Variants in KCNN2 observed in about 807,000 individuals in gnomAD.
KCNN2 encodes the protein potassium calcium-activated channel subfamily N member 2, also known as small conductance calcium-activated potassium channel protein 2.
KCNN2 carries 24 observed loss-of-function variants against 55.5 expected under a neutral mutation model. The observed-to-expected ratio is 0.43, with a 90% CI of 0.31 to 0.61. The LOEUF (loss-of-function observed/expected upper bound fraction) is 0.61, where lower values mean the gene tolerates loss of function less well. Among genes scored for constraint, KCNN2 ranks in the 20% least tolerant of loss-of-function variants. The pLI is 0.08. For missense variants in KCNN2, 754 were observed against 853.6 expected (o/e 0.88, Z 1.45); for synonymous variants, 431 against 336.1 (o/e 1.28, Z -3.09).
intron 2 of KCNN2, among the ~76,000 whole-genome samples, chr5:114,365,356 TAATTC>T (rs1185916891): frequency 3.3e-5 from 5 of 152,272 alleles, no homozygotes; most frequent in African/African-American, 1.2e-4. Flanking sequence ...GATTCATCTT[TAATTC>T]AATACTAGTG....
chr5:114,438,610 CAACA>C (rs1580835624), intron 3 of KCNN2, among the ~76,000 whole-genome samples: 1 of 152,212 alleles, frequency 6.6e-6, no homozygotes, highest in East Asian at 1.9e-4. Flanking sequence ...ACAACAACAA[CAACA>C]AACAGTCTCT....
intron 1 of KCNN2, among the ~76,000 whole-genome samples, chr5:114,081,191 G>C (rs1750810147): frequency 6.6e-6 from 1 of 152,058 alleles, no homozygotes; most frequent in African/African-American, 2.4e-5. Flanking sequence ...TGGATTAGAA[G>C]ATAATATTAA....
intron 2 of KCNN2, among the ~76,000 whole-genome samples, chr5:114,394,202 A>G (rs74955923): frequency 0.012 from 1,776 of 152,304 alleles, 41 homozygotes; most frequent in African/African-American, 0.04. Context: ...TCAATCTGAC[A>G]GGTCAAAAAG....
At chr5:114,081,347 AG>A (rs1323531671) in intron 1 of KCNN2, among the ~76,000 whole-genome samples, 3 of 152,176 alleles carry the variant, frequency 2.0e-5, no homozygotes, top group South Asian at 4.1e-4. Flanking sequence ...AAAATTGAAA[AG>A]GAAAAAAATG....
At chr5:114,173,652 C>A (rs578173866) in intron 1 of KCNN2, among the ~76,000 whole-genome samples, 1 of 151,332 alleles carries the variant, frequency 6.6e-6, no homozygotes, top group Admixed American at 6.6e-5. Context: ...TTTTTGGTGT[C>A]CTCTTTAATT....
intron 3 of KCNN2, among the ~76,000 whole-genome samples, chr5:114,449,906 A>G (rs147143540): frequency 0.11 from 3,126 of 29,242 alleles, 52 homozygotes; most frequent in Admixed American, 0.13. Context: ...ACACACACAC[A>G]CACGCGCGCG....
At chr5:114,256,067 T>C (rs973166608) in intron 2 of KCNN2, among the ~76,000 whole-genome samples, 2 of 152,144 alleles carry the variant, frequency 1.3e-5, no homozygotes, top group African/African-American at 4.8e-5. Flanking sequence ...GTACACATTA[T>C]TTAGCTCCCA....
At chr5:114,248,833 A>G (rs927391376) in intron 2 of KCNN2, among the ~76,000 whole-genome samples, 1 of 152,178 alleles carries the variant, frequency 6.6e-6, no homozygotes, top group Non-Finnish European at 1.5e-5. Context: ...ATTAATCCAT[A>G]AGTTATAGAG....
intron 2 of KCNN2, among the ~76,000 whole-genome samples, chr5:114,389,198 T>C (rs1256707071): frequency 6.6e-6 from 1 of 152,056 alleles, no homozygotes; most frequent in South Asian, 2.1e-4. Flanking sequence ...TAAGCACCTG[T>C]TTTTTCCCCA....
intron 5 of KCNN2, among the ~76,000 whole-genome samples, chr5:114,475,617 G>A (rs916334423): frequency 2.0e-5 from 3 of 152,076 alleles, no homozygotes; most frequent in Non-Finnish European, 4.4e-5. Flanking sequence ...AATCACATTC[G>A]AGTATTCCAA....
intron 2 of KCNN2, among the ~76,000 whole-genome samples, chr5:114,241,805 C>T (rs7717205): frequency 0.6 from 10,637 of 17,758 alleles, 3,567 homozygotes; most frequent in Middle Eastern, 0.75. Flanking sequence ...TATATATATA[C>T]GTATATATAT....
intron 1 of KCNN2, among the ~76,000 whole-genome samples, chr5:114,116,411 A>G (rs1416361772): frequency 6.6e-6 from 1 of 152,180 alleles, no homozygotes; most frequent in Non-Finnish European, 1.5e-5. Context: ...AATGTAAGTG[A>G]TAAGTACACT....
intron 1 of KCNN2, among the ~76,000 whole-genome samples, chr5:114,148,594 G>A (rs374606577): frequency 1.1e-4 from 16 of 152,148 alleles, no homozygotes; most frequent in East Asian, 7.8e-4. Context: ...CTGGAGTGTC[G>A]AAAGAAACAG....
intron 2 of KCNN2, among the ~76,000 whole-genome samples, chr5:114,308,068 C>G (rs1265398151): frequency 1.3e-5 from 2 of 152,048 alleles, no homozygotes; most frequent in Non-Finnish European, 2.9e-5. Context: ...TATTTACTCC[C>G]GAGAAGAAAC....
At chr5:114,464,596 G>A (rs1406834252) in intron 4 of KCNN2, among the ~76,000 whole-genome samples, 1 of 152,110 alleles carries the variant, frequency 6.6e-6, no homozygotes, top group Non-Finnish European at 1.5e-5. Context: ...CGTGCCCTTG[G>A]CATAGACAGG....
chr5:114,295,513 A>C (rs991796643), intron 2 of KCNN2, among the ~76,000 whole-genome samples: 5 of 152,136 alleles, frequency 3.3e-5, no homozygotes, highest in African/African-American at 1.2e-4. Flanking sequence ...CATGTGCGGG[A>C]TATAATCTCC....
At chr5:114,458,824 C>T (rs1761054724) in intron 3 of KCNN2, among the ~76,000 whole-genome samples, 1 of 152,154 alleles carries the variant, frequency 6.6e-6, no homozygotes, top group Admixed American at 6.5e-5. Context: ...AACAGATCCT[C>T]AGAGTACAAA....
chr5:114,099,922 A>G (rs969645748), intron 1 of KCNN2, among the ~76,000 whole-genome samples: 1 of 151,948 alleles, frequency 6.6e-6, no homozygotes, highest in African/African-American at 2.4e-5. Context: ...ACATTATTCA[A>G]GTAAGTCTTT....
chr5:114,469,823 A>AAAATAAAGGTTACTTTC (rs1347073900), intron 4 of KCNN2, among the ~76,000 whole-genome samples: 2 of 152,186 alleles, frequency 1.3e-5, no homozygotes, highest in Non-Finnish European at 2.9e-5. Context: ...TAAAAATTAA[A>AAAATAAAGGTTACTTTC]AAATAAAGGT....
Sources: gnomAD v4.1 joint callset for allele counts (sites outside exome capture counted in the v4.1 genomes callset) on GRCh38, gnomAD v4.1.1 for gene constraint, MANE v1.5 for transcripts, NCBI Gene and HGNC (gene_info 2026-07-23, HGNC 2026-07-21) for gene names.